The following PCDHGA1 variants were observed in gnomAD, a reference collection of about 807,000 sequenced individuals.
PCDHGA1 encodes the protein protocadherin gamma-A1.
PCDHGA1 carries 32 observed loss-of-function variants against 58.0 expected under a neutral mutation model. The observed-to-expected ratio is 0.55, with a 90% CI of 0.42 to 0.74. The LOEUF is 0.74. PCDHGA1 is among the 30% of genes least tolerant of loss of function. The pLI is 0.00. For synonymous variants in PCDHGA1, 498 were observed against 501.1 expected, an observed-to-expected ratio of 0.99 and a Z score of 0.08; for missense variants, 1,205 against 1,182.3, an observed-to-expected ratio of 1.02 and a Z score of -0.28.
intron 1 of PCDHGA1, chr5:141,409,819 G>A (rs781534809): frequency 1.2e-6 from 2 of 1,610,356 alleles, no homozygotes; most frequent in African/African-American, 2.7e-5. Context: ...ACCACGGCTC[G>A]CCCACGCTCA....
intron 1 of PCDHGA1, chr5:141,393,706 C>T: frequency 1.2e-6 from 2 of 1,613,798 alleles, no homozygotes; most frequent in African/African-American, 1.3e-5. Flanking sequence ...AATGAAAATA[C>T]TGGGGAAATA....
rs1481706003 is a variant in PCDHGA1, at chr5:141,491,416, G to A, written c.2422-3391G>A. On this transcript the variant is annotated intron_variant, in intron 1 of 3. Transcript: ENST00000517417. This position sits in a 1 kb window ranked among gnomAD's most constrained non-coding sequence, Gnocchi z 6.9. ...TCAGGGAAACGCAGACGGGGACGGG[G>A]GTGGAGGGCAGTGCTGCAGGCGCCA... 3 of 1,614,138 alleles carry A rather than the reference G, an allele frequency of 1.9e-6. No homozygotes were observed. The highest frequency in any genetic ancestry group is 2.2e-5 in the East Asian group (1 of 44,874).
chr5:141,491,254 G>A lies in PCDHGA1; in HGVS notation c.2422-3553G>A, dbSNP rs746242389. ...GCTGGTTCTGGAGGATGAGGACCCT[G>A]AGGAAATGCCCAAATCCAGTGACTT... is the stretch of plus-strand genomic sequence containing the variant. On this transcript the variant is annotated intron_variant, in intron 1 of 3. Coordinates refer to ENST00000517417, the MANE Select transcript of PCDHGA1 (RefSeq NM_018912.3). This position sits in a 1 kb window ranked among gnomAD's most constrained non-coding sequence, Gnocchi z 6.9. 24 of 1,614,198 alleles carry A rather than the reference G, an allele frequency of 1.5e-5. No individual in the cohort carries two copies. The highest frequency in any genetic ancestry group is 2.0e-5 in the Non-Finnish European group (24 of 1,180,018).
chr5:141,419,300 T>G (rs2096356436), intron 1 of PCDHGA1: 3 of 1,613,998 alleles, frequency 1.9e-6, no homozygotes, highest in Non-Finnish European at 2.5e-6. Context: ...TGACCCAGAC[T>G]TCGGGCTCAA....
intron 1 of PCDHGA1, chr5:141,372,279 G>A: frequency 6.2e-7 from 1 of 1,613,176 alleles, no homozygotes; most frequent in Middle Eastern, 1.7e-4. Context: ...GGTGCGCACG[G>A]CGCGTACCTT....
chr5:141,365,766 C>A (rs6882138), intron 1 of PCDHGA1: 12 of 1,613,778 alleles, frequency 7.4e-6, no homozygotes, highest in Non-Finnish European at 9.3e-6. Flanking sequence ...GCCCATGACC[C>A]CGACAGCGGC....
intron 1 of PCDHGA1, among the ~76,000 whole-genome samples, chr5:141,337,237 A>G (rs1335249755): frequency 6.6e-6 from 1 of 152,268 alleles, no homozygotes; most frequent in Non-Finnish European, 1.5e-5. Flanking sequence ...ATTTAAACAT[A>G]GAATTACCAT....
chr5:141,428,436 A>G (rs922762798), intron 1 of PCDHGA1: 5 of 401,736 alleles, frequency 1.2e-5, no homozygotes, highest in Non-Finnish European at 2.3e-5. Flanking sequence ...CTAAGACTAG[A>G]CCAGGGGTTT....
Position 141,477,876 on chromosome 5 carries a change from G to A in PCDHGA1, c.2422-16931G>A, listed in dbSNP as rs1412801533. The A allele has an allele frequency of 4.3e-6, 7 of 1,614,144 alleles. No individual in the cohort carries two copies. Among genetic ancestry groups the A allele is most frequent in the Non-Finnish European group, 5.9e-6 (7 of 1,180,030 alleles). ...ATGCTGCCTCGAGGTACCTCAGCTG[G>A]CCACCTAGTGTCACGGGTGGTAGGC... On this transcript the variant is annotated intron_variant, in intron 1 of 3. Coordinates refer to ENST00000517417, the MANE Select transcript of PCDHGA1 (RefSeq NM_018912.3). The surrounding 1 kb of genome is among the most constrained non-coding windows in gnomAD (Gnocchi z 4.9).
chr5:141,472,371 C>G (rs2099278632), intron 1 of PCDHGA1, among the ~76,000 whole-genome samples: 1 of 151,944 alleles, frequency 6.6e-6, no homozygotes, highest in Admixed American at 6.6e-5. Flanking sequence ...GAAACCCCGT[C>G]TCCACTAAAA....
chr5:141,351,075 C>T (rs547501388), intron 1 of PCDHGA1: 41 of 1,614,032 alleles, frequency 2.5e-5, no homozygotes, highest in Non-Finnish European at 3.5e-5. Flanking sequence ...GGCATTAATG[C>T]AGAGATCACC....
chr5:141,375,447 C>T, intron 1 of PCDHGA1: 1 of 1,614,018 alleles, frequency 6.2e-7, no homozygotes, highest in Non-Finnish European at 8.5e-7. Flanking sequence ...TTCCCCCATT[C>T]ATCCTACTCA....
chr5:141,453,077 T>C (rs2098755487), intron 1 of PCDHGA1, among the ~76,000 whole-genome samples: 1 of 152,090 alleles, frequency 6.6e-6, no homozygotes, highest in African/African-American at 2.4e-5. Context: ...CACACTCTGG[T>C]TGATTAGTAT....
chr5:141,360,782 A>T, intron 1 of PCDHGA1: 1 of 1,613,948 alleles, frequency 6.2e-7, no homozygotes, highest in East Asian at 2.2e-5. Context: ...ACAGCTGTGG[A>T]TGGCGGAGAC....
chr5:141,348,847 C>A (rs1408351046), intron 1 of PCDHGA1, among the ~76,000 whole-genome samples: 1 of 152,086 alleles, frequency 6.6e-6, no homozygotes, highest in African/African-American at 2.4e-5. Context: ...TGGGTGAGCA[C>A]TGCAAAATAG....
chr5:141,371,971 G>T lies in PCDHGA1; in HGVS notation c.2421+38866G>T, dbSNP rs372239619. 1.2e-6 allele frequency: 2 copies of T among 1,612,320 alleles called. No individual in the cohort carries two copies. The highest frequency in any genetic ancestry group is 3.3e-5 in the Admixed American group (2 of 59,994). The stretch of plus-strand genomic sequence containing the variant: ...CGAGCCTTCGACCACGAGCAGCTGC[G>T]TGCCTTCGAGCTCACTCTGCAGGCC... On this transcript the variant is annotated intron_variant, in intron 1 of 3. Transcript: ENST00000517417.
At chr5:141,390,164 G>C in intron 1 of PCDHGA1, 1 of 1,614,006 alleles carries the variant, frequency 6.2e-7, no homozygotes, top group Non-Finnish European at 8.5e-7. Context: ...CAGGAAAGAC[G>C]GAGTTTAATT....
In PCDHGA1 at chr5:141,331,784, C is replaced by A. The variant is rs1446751489; in HGVS notation, c.1100C>A (p.Ala367Asp). 6.2e-7 allele frequency: 1 copy of A among 1,614,060 alleles called. No individual in the cohort carries two copies. The highest frequency in any genetic ancestry group is 8.5e-7 in the Non-Finnish European group (1 of 1,180,048). ...AACTTTCCTCCTGGGACCATAATTGCTCTTATCAGTGTGCATGACCAGGAC... is the reference window on the plus strand; with the variant it reads ...AACTTTCCTCCTGGGACCATAATTGATCTTATCAGTGTGCATGACCAGGAC... ...PENFPPGTII[A>D]LISVHDQDSG... Residue 367 changes from alanine (A) to aspartate (D), a missense_variant, in exon 1 of 4, where the codon GCT (alanine) becomes GAT (aspartate). Physicochemically the swap from Ala to Asp is moderately radical, Grantham distance 126. Coordinates refer to ENST00000517417, the MANE Select transcript of PCDHGA1 (RefSeq NM_018912.3).
chr5:141,442,343 G>C (rs1300318674), intron 1 of PCDHGA1: 1 of 152,336 alleles, frequency 6.6e-6, no homozygotes, highest in Non-Finnish European at 1.5e-5. Flanking sequence ...CAGGTTTCTG[G>C]GTAACTGTAG....
Sources: allele counts gnomAD v4.1 joint callset (sites outside exome capture counted in the v4.1 genomes callset), GRCh38; gene constraint gnomAD v4.1.1; non-coding constraint Gnocchi (gnomAD v3.1); transcripts MANE v1.5; gene names NCBI Gene and HGNC (gene_info 2026-07-23, HGNC 2026-07-21).